PIP5K1B: variants seen among roughly 807,000 people sequenced by gnomAD.
PIP5K1B encodes phosphatidylinositol-4-phosphate 5-kinase type 1 beta, also known as phosphatidylinositol 4-phosphate 5-kinase type-1 beta.
A neutral mutation model predicts 67.0 loss-of-function variants in PIP5K1B; 42 were observed. The observed-to-expected ratio is 0.63, with a 90% confidence interval of 0.49 to 0.81. The LOEUF is 0.81. Among genes scored for constraint, PIP5K1B ranks in the 30% least tolerant of loss-of-function variants. The probability of loss-of-function intolerance (pLI) is 0.00; values close to 1 mark genes in which losing one functional copy is unlikely to be tolerated. For synonymous variants in PIP5K1B, 214 were observed against 231.4 expected, an observed-to-expected ratio of 0.92 and a Z score of 0.68; for missense variants, 459 against 646.3, an observed-to-expected ratio of 0.71 and a Z score of 3.14.
intron 4 of PIP5K1B, among the ~76,000 whole-genome samples, chr9:68,848,417 G>A (rs115286744): frequency 2.0e-3 from 300 of 152,302 alleles, no homozygotes; most frequent in African/African-American, 6.5e-3. Flanking sequence ...CTGCCTAGGT[G>A]TGTTTCTCAA....
chr9:68,805,087 G>T (rs950268011), intron 2 of PIP5K1B, among the ~76,000 whole-genome samples: 1 of 152,218 alleles, frequency 6.6e-6, no homozygotes, highest in Non-Finnish European at 1.5e-5. Flanking sequence ...ATTTGAGATT[G>T]GCACAGCCCT....
chr9:68,827,803 G>A (rs1013498039), intron 4 of PIP5K1B, among the ~76,000 whole-genome samples: 4 of 152,198 alleles, frequency 2.6e-5, no homozygotes, highest in Admixed American at 6.5e-5. Flanking sequence ...GATTTTGTTT[G>A]TTTGTTGTTT....
chr9:68,753,277 A>G (rs1240798773), intron 2 of PIP5K1B, among the ~76,000 whole-genome samples: 5 of 151,346 alleles, frequency 3.3e-5, no homozygotes, highest in Admixed American at 1.3e-4. Flanking sequence ...ACACATTTTG[A>G]TATCTAGTTG....
Position 68,940,683 on chromosome 9 carries a change from C to T in PIP5K1B, c.1395C>T (p.Ser465=). The change falls in exon 14 of 16, where the codon AGC becomes AGT. Residue 465 remains serine, a synonymous_variant. Coordinates refer to ENST00000265382, the MANE Select transcript of PIP5K1B (RefSeq NM_003558.4). ...GACACAGGCCAGACCTGGTCCCTAGCACTCCATCACTGTTTGAAGCTGCTT... is the reference window on the plus strand; with the variant it reads ...GACACAGGCCAGACCTGGTCCCTAGTACTCCATCACTGTTTGAAGCTGCTT... ...GSRHRPDLVP[S]TPSLFEAASL... 6.2e-7 allele frequency: 1 copy of T among 1,613,990 alleles called. No homozygotes were observed. The highest frequency in any genetic ancestry group is 8.5e-7 in the Non-Finnish European group (1 of 1,179,878).
At chr9:68,719,862 A>C (rs942988643) in intron 1 of PIP5K1B, among the ~76,000 whole-genome samples, 17 of 152,374 alleles carry the variant, frequency 1.1e-4, no homozygotes, top group African/African-American at 4.1e-4. Flanking sequence ...TATAGAAGGA[A>C]TAGTCTTTTC....
chr9:68,925,222 A>G (rs1826629888), intron 12 of PIP5K1B, among the ~76,000 whole-genome samples: 1 of 152,092 alleles, frequency 6.6e-6, no homozygotes, highest in Non-Finnish European at 1.5e-5. Flanking sequence ...TATGAACATA[A>G]TTTCAGATAA....
chr9:68,740,366 A>T (rs1828944485), intron 1 of PIP5K1B, among the ~76,000 whole-genome samples: 1 of 152,244 alleles, frequency 6.6e-6, no homozygotes, highest in South Asian at 2.1e-4. Flanking sequence ...CTAAATGTTA[A>T]GTAGTTCTAA....
chr9:68,880,594 C>T (rs4289877), intron 6 of PIP5K1B, among the ~76,000 whole-genome samples: 50 of 90,080 alleles, frequency 5.6e-4, no homozygotes, highest in African/African-American at 1.7e-3. Context: ...CACACGCATA[C>T]ACACACACAC....
chr9:68,898,712 C>G (rs950817228), intron 8 of PIP5K1B, among the ~76,000 whole-genome samples: 3 of 152,164 alleles, frequency 2.0e-5, no homozygotes, highest in African/African-American at 7.2e-5. Context: ...TTCCTCCCTC[C>G]TCTCCCTCTT....
intron 14 of PIP5K1B, among the ~76,000 whole-genome samples, chr9:68,961,216 C>G (rs984373782): frequency 1.8e-5 from 1 of 56,336 alleles, no homozygotes; most frequent in Non-Finnish European, 3.4e-5. Flanking sequence ...GACTCCGTCT[C>G]AAAAAAAAAA....
intron 8 of PIP5K1B, among the ~76,000 whole-genome samples, chr9:68,903,970 A>G (rs1478544399): frequency 6.6e-6 from 1 of 152,238 alleles, no homozygotes; most frequent in African/African-American, 2.4e-5. Context: ...GGGTTGGTTC[A>G]GGTAACATTT....
intron 2 of PIP5K1B, among the ~76,000 whole-genome samples, chr9:68,776,858 T>C (rs925919416): frequency 6.6e-6 from 1 of 152,182 alleles, no homozygotes; most frequent in African/African-American, 2.4e-5. Flanking sequence ...GCTGGCTACA[T>C]TGCATTTTAT....
chr9:68,864,228 T>C (rs1293820016), intron 5 of PIP5K1B, among the ~76,000 whole-genome samples: 1 of 152,222 alleles, frequency 6.6e-6, no homozygotes, highest in Non-Finnish European at 1.5e-5. Flanking sequence ...GAAGACCATA[T>C]GGAGAAAGAT....
At chr9:68,758,623 GAAT>G (rs961346890) in intron 2 of PIP5K1B, among the ~76,000 whole-genome samples, 8 of 151,974 alleles carry the variant, frequency 5.3e-5, no homozygotes, top group African/African-American at 1.9e-4. Flanking sequence ...TGGACCTGTG[GAAT>G]AATAATAAAA....
At chr9:68,988,981 G>C (rs1404902635) in intron 14 of PIP5K1B, among the ~76,000 whole-genome samples, 2 of 151,040 alleles carry the variant, frequency 1.3e-5, no homozygotes, top group Non-Finnish European at 2.9e-5. Flanking sequence ...TGTAATCCCA[G>C]CTGCTCGAGA....
At position 68,816,119 on chromosome 9, in the gene PIP5K1B, T is replaced by TTTTG. The variant is rs777335801; in HGVS notation, c.-85-2330_-85-2327dup. ...GTTGTCAGCTCAGTCAACACGATTT[T>TTTTG]TTTGTTTGTTTGTTTTTTGTTTTTT... is the stretch of plus-strand genomic sequence containing the variant. On this transcript the variant is annotated intron_variant, in intron 2 of 15. Coordinates refer to ENST00000265382, the MANE Select transcript of PIP5K1B (RefSeq NM_003558.4). Among the ~76,000 whole-genome samples the TTTTG allele has an allele frequency of 3.3e-5, 5 of 152,202 alleles. No homozygotes were observed. The South Asian group carries it at 1.0e-3, about 32-fold the overall frequency.
At chr9:68,876,857 C>A in intron 6 of PIP5K1B, 63 bp downstream of exon 6, 2 of 840,040 alleles carry the variant, frequency 2.4e-6, no homozygotes, top group East Asian at 2.4e-5. Context: ...TGTCTCATAG[C>A]AACAGCAACA....
chr9:68,940,977 T>C, intron 14 of PIP5K1B, 187 bp downstream of exon 14: 1 of 687,784 alleles, frequency 1.5e-6, no homozygotes, highest in Non-Finnish European at 2.6e-6. Flanking sequence ...AAAACCCTCA[T>C]GATTTTTCTT....
At chr9:68,992,935 C>G (rs1350396121) in intron 15 of PIP5K1B, among the ~76,000 whole-genome samples, 1 of 147,844 alleles carries the variant, frequency 6.8e-6, no homozygotes, top group Non-Finnish European at 1.5e-5. Context: ...GAGGCAGGAG[C>G]ATCAGGAGGT....
Sources: gnomAD v4.1 joint callset for allele counts (sites outside exome capture counted in the v4.1 genomes callset) on GRCh38, gnomAD v4.1.1 for gene constraint, MANE v1.5 for transcripts, NCBI Gene and HGNC (gene_info 2026-07-23, HGNC 2026-07-21) for gene names.